RAB33A: variants seen among roughly 807,000 people sequenced by gnomAD.
RAB33A encodes RAB33A, member RAS oncogene family.
RAB33A carries 6 observed loss-of-function variants against 12.0 expected under a neutral mutation model. The observed-to-expected ratio is 0.50, with a 90% CI of 0.27 to 0.99. The LOEUF (loss-of-function observed/expected upper bound fraction) is 0.99. Among genes scored for constraint, RAB33A ranks in the 50% least tolerant of loss-of-function variants. RAB33A has a pLI of 0.11. For synonymous variants in RAB33A, 70 were observed against 82.4 expected (o/e 0.85, Z 0.81); for missense variants, 109 against 192.0 (o/e 0.57, Z 2.55).
the RAB33A span, among the ~76,000 whole-genome samples, chrX:130,146,514 G>C: frequency 9.3e-6 from 1 of 107,564 alleles, no homozygotes; most frequent in Non-Finnish European, 1.9e-5. Context: ...TACATATAAA[G>C]TTAGCCACTA....
chrX:130,136,252 T>C, the RAB33A span: 104 of 1,124,604 alleles, frequency 9.2e-5, no homozygotes, highest in Admixed American at 2.3e-3. Context: ...GGCGTAACAA[T>C]GGCCCTTCAT....
chrX:130,167,849 CTTT>C (rs759948930), upstream of RAB33A, among the ~76,000 whole-genome samples: 4 of 97,682 alleles, frequency 4.1e-5, no homozygotes, highest in African/African-American at 3.7e-5. Context: ...AATGAAGTTA[CTTT>C]TTTTTTTTTT....
the RAB33A span, among the ~76,000 whole-genome samples, chrX:130,164,478 T>C: frequency 8.9e-6 from 1 of 112,632 alleles, no homozygotes; most frequent in African/African-American, 3.2e-5. Flanking sequence ...GTTTCTGTAT[T>C]GTAAAAGCCT....
chrX:130,158,195 C>T, the RAB33A span, among the ~76,000 whole-genome samples: 4 of 110,313 alleles, frequency 3.6e-5, no homozygotes, highest in Admixed American at 9.7e-5. Context: ...ACCCAGGAGG[C>T]GGAGGTTGCA....
chrX:130,126,233 G>A, the RAB33A span, among the ~76,000 whole-genome samples: 6 of 112,212 alleles, frequency 5.3e-5, no homozygotes, highest in Non-Finnish European at 1.1e-4. Context: ...GCTCATGCCT[G>A]TAATCTCAGC....
the RAB33A span, among the ~76,000 whole-genome samples, chrX:130,148,448 G>A: frequency 8.9e-6 from 1 of 111,941 alleles, no homozygotes; most frequent in South Asian, 3.8e-4. Context: ...GCTAGGGTAT[G>A]TGCTTTAGGA....
the RAB33A span, among the ~76,000 whole-genome samples, chrX:130,163,949 A>G: frequency 9.5e-6 from 1 of 105,329 alleles, no homozygotes; most frequent in East Asian, 3.0e-4. Context: ...AGGTCAGGAG[A>G]TCGAGACCAT....
At chrX:130,169,837 C>T (rs2031586554), upstream of RAB33A, among the ~76,000 whole-genome samples, 1 of 111,953 alleles carries the variant, frequency 8.9e-6, no homozygotes, top group Non-Finnish European at 1.9e-5. Flanking sequence ...AGGGCAAAGC[C>T]CCTTTCTACT....
At chrX:130,112,814 C>T in the RAB33A span, among the ~76,000 whole-genome samples, 2 of 110,457 alleles carry the variant, frequency 1.8e-5, no homozygotes, top group Non-Finnish European at 3.8e-5. Flanking sequence ...TGCAGTGAGC[C>T]GAGATCGTGC....
At chrX:130,154,776 G>A in the RAB33A span, among the ~76,000 whole-genome samples, 1 of 112,435 alleles carries the variant, frequency 8.9e-6, no homozygotes, top group African/African-American at 3.2e-5. Context: ...ATTCAAAAAT[G>A]GATGATGTTC....
chrX:130,149,783 AT>A, the RAB33A span, among the ~76,000 whole-genome samples: 1 of 112,342 alleles, frequency 8.9e-6, no homozygotes, highest in Non-Finnish European at 1.9e-5. Flanking sequence ...AGATGAAAAT[AT>A]TCCAGTTTCA....
the RAB33A span, among the ~76,000 whole-genome samples, chrX:130,166,362 T>A: frequency 9.0e-6 from 1 of 111,486 alleles, no homozygotes; most frequent in Non-Finnish European, 1.9e-5. Context: ...ATTTATTAGT[T>A]CAGTTGTGTG....
At chrX:130,147,840 G>A in the RAB33A span, 1 of 1,211,781 alleles carries the variant, frequency 8.3e-7, no homozygotes, top group Non-Finnish European at 1.1e-6. Context: ...AACATGACTT[G>A]GCGCCTTGTC....
At chrX:130,156,537 C>A in the RAB33A span, 1 of 1,211,319 alleles carries the variant, frequency 8.3e-7, no homozygotes, top group Non-Finnish European at 1.1e-6. Flanking sequence ...CCCTGATGCA[C>A]CAGAGCTAGC....
chrX:130,174,361 CAGAG>C, intron 1 of RAB33A, among the ~76,000 whole-genome samples: 1 of 112,017 alleles, frequency 8.9e-6, no homozygotes, highest in East Asian at 2.8e-4. Flanking sequence ...CAAAGGAGCT[CAGAG>C]TGGCGTGTGG....
At chrX:130,178,306 A>C (rs1224838192) in intron 1 of RAB33A, among the ~76,000 whole-genome samples, 1 of 93,893 alleles carries the variant, frequency 1.1e-5, no homozygotes, top group Non-Finnish European at 2.1e-5. Flanking sequence ...TGACACAATG[A>C]GATCTTGTCT....
At chrX:130,117,913 T>G in the RAB33A span, among the ~76,000 whole-genome samples, 3 of 112,268 alleles carry the variant, frequency 2.7e-5, no homozygotes, top group South Asian at 1.1e-3. Context: ...TTAGCTGATC[T>G]CCCCACAGCC....
chrX:130,183,491 C>T (rs381524), intron 1 of RAB33A, among the ~76,000 whole-genome samples: 1 of 109,232 alleles, frequency 9.2e-6, no homozygotes, highest in Non-Finnish European at 1.9e-5. Context: ...GGAGGCGGAG[C>T]TTGCAGTGAG....
chrX:130,124,745 G>A, the RAB33A span, among the ~76,000 whole-genome samples: 1 of 112,628 alleles, frequency 8.9e-6, no homozygotes, highest in Non-Finnish European at 1.9e-5. Flanking sequence ...CATGCTTCAG[G>A]AAGAGGGCGC....
Sources: gnomAD v4.1 joint callset for allele counts (sites outside exome capture counted in the v4.1 genomes callset) on GRCh38, gnomAD v4.1.1 for gene constraint, MANE v1.5 for transcripts, NCBI Gene and HGNC (gene_info 2026-07-23, HGNC 2026-07-21) for gene names.